Variants in ZFAND4 observed in about 807,000 individuals in gnomAD.
The protein encoded by ZFAND4 is zinc finger AN1-type containing 4, also known as AN1-type zinc finger protein 4.
A neutral mutation model predicts 64.4 loss-of-function variants in ZFAND4; 43 were observed. That is an observed-to-expected ratio of 0.67 (90% CI 0.52 to 0.86). The LOEUF is 0.86. ZFAND4 is among the 40% of genes least tolerant of loss of function. ZFAND4 has a pLI of 0.00. For missense variants in ZFAND4, 929 were observed against 859.8 expected, an observed-to-expected ratio of 1.08 and a Z score of -1.01; for synonymous variants, 296 against 305.7, an observed-to-expected ratio of 0.97 and a Z score of 0.33.
In ZFAND4 at chr10:45,616,169, C is replaced by A. The variant is rs985136536; in HGVS notation, c.*267G>T. 2.5e-5 allele frequency: 10 copies of A among 397,328 alleles called. No homozygotes were observed. The highest frequency in any genetic ancestry group is 9.0e-6 in the Non-Finnish European group (2 of 221,182). 24.6% of individuals were successfully genotyped at this position (397,328 alleles called of 1,614,324 possible). A position where few individuals can be genotyped will look rare whatever the true frequency, so the allele number is the denominator to read the frequency against. On this transcript the variant is annotated 3_prime_UTR_variant, in exon 10 of 10. Coordinates refer to ENST00000344646, the MANE Select transcript of ZFAND4 (RefSeq NM_174890.4). ...GATTTGCCTAGTAAAACTGCAATAT[C>A]ATATACAAAACACTTAACACAAGAC...
intron 6 of ZFAND4, among the ~76,000 whole-genome samples, chr10:45,635,191 T>A (rs1230915338): frequency 6.0e-5 from 1 of 16,742 alleles, no homozygotes; most frequent in Non-Finnish European, 1.2e-4. Flanking sequence ...CAAAGCCATC[T>A]AAGCAAAAAA....
At position 45,662,772 on chromosome 10, in the gene ZFAND4, T is replaced by C. The variant is rs1044633580; in HGVS notation, c.184+770A>G. 6 of 626,978 alleles carry C rather than the reference T, an allele frequency of 9.6e-6. No homozygotes were observed. The African/African-American group carries it at 1.2e-4, about 12-fold the overall frequency. The allele number at this position is 626,978 out of a possible 1,614,324, so 38.8% of individuals were successfully genotyped here. A position where few individuals can be genotyped will look rare whatever the true frequency, so the allele number is the denominator to read the frequency against. On this transcript the variant is annotated intron_variant, in intron 2 of 9. Transcript: ENST00000344646. The stretch of plus-strand genomic sequence containing the variant: ...AACCCTCCTCATCCTTCTATAATTC[T>C]GAACTTAAACCAGCTGGAGGGCAAC...
At chr10:45,631,442 C>T (rs1335823968) in intron 6 of ZFAND4, among the ~76,000 whole-genome samples, 2 of 149,856 alleles carry the variant, frequency 1.3e-5, no homozygotes, top group African/African-American at 2.4e-5. Context: ...GTTAAAAAGA[C>T]TCAAGTGTAT....
In ZFAND4 at chr10:45,672,338, A is replaced by C. The variant is rs2049255413; in HGVS notation, c.-206T>G. 1 of 152,226 alleles carries C rather than the reference A, an allele frequency of 6.6e-6. No homozygotes were observed. The highest frequency in any genetic ancestry group is 1.5e-5 in the Non-Finnish European group (1 of 68,082). The allele number at this position is 152,226 out of a possible 1,614,324, so 9.4% of individuals were successfully genotyped here. ...AGACCCACCGGCCTGAATCTGGAGG[A>C]CAGCAGTCCGCGTGACAACAGCGAC... On this transcript the variant is annotated 5_prime_UTR_variant, in exon 1 of 10. Transcript: ENST00000344646.
intron 2 of ZFAND4, among the ~76,000 whole-genome samples, chr10:45,659,124 T>G (rs1211884217): frequency 6.6e-6 from 1 of 152,150 alleles, no homozygotes; most frequent in Admixed American, 6.5e-5. Flanking sequence ...ACTGGGAAAT[T>G]ATTGAGGGCC....
intron 6 of ZFAND4, among the ~76,000 whole-genome samples, chr10:45,634,833 C>T (rs1440442970): frequency 6.6e-6 from 1 of 151,924 alleles, no homozygotes; most frequent in Non-Finnish European, 1.5e-5. Flanking sequence ...AATCAACATA[C>T]AAAACCCAGT....
chr10:45,631,186 C>T lies in ZFAND4; in HGVS notation c.718-4081G>A, dbSNP rs112746973. 7.9e-3 allele frequency among the ~76,000 whole-genome samples: 1,191 copies of T among 151,210 alleles called. 11 individuals are homozygous for T. Among genetic ancestry groups the T allele is most frequent in the African/African-American group, 0.027 (1,131 of 41,194 alleles). ...ACAAAAAATTAGCTGGGTGTGGTGA[C>T]GGGCGCCTGTAGTCCAGCTACTCCG... is the stretch of plus-strand genomic sequence containing the variant. On this transcript the variant is annotated intron_variant, in intron 6 of 9. Transcript: ENST00000344646.
chr10:45,638,250 G>A (rs564261648), intron 6 of ZFAND4, among the ~76,000 whole-genome samples: 27 of 151,044 alleles, frequency 1.8e-4, no homozygotes, highest in Admixed American at 7.9e-4. Flanking sequence ...TTGGGAGGTC[G>A]AGGCAGTCAG....
chr10:45,642,196 TC>T (rs1273836915), intron 5 of ZFAND4, among the ~76,000 whole-genome samples: 1 of 152,212 alleles, frequency 6.6e-6, no homozygotes, highest in Non-Finnish European at 1.5e-5. Context: ...ATTTTAAGTA[TC>T]TTTACTGAAT....
Position 45,648,390 on chromosome 10 carries a change from T to A in ZFAND4, c.473A>T (p.Asp158Val), listed in dbSNP as rs956860077. 6.2e-7 allele frequency: 1 copy of A among 1,613,938 alleles called. No homozygotes were observed. Among genetic ancestry groups the A allele is most frequent in the Non-Finnish European group, 8.5e-7 (1 of 1,179,978 alleles). Reference protein sequence around the residue: ...GDQLNFFPAVDRGDGTLTPLS... With the variant: ...GDQLNFFPAVVRGDGTLTPLS... ...CGGTGTTAAAGTGCCATCTCCCCTATCTACTGCAGGAAAGAAATTCAATTG... is the reference window on the plus strand; with the variant it reads ...CGGTGTTAAAGTGCCATCTCCCCTAACTACTGCAGGAAAGAAATTCAATTG... The change falls in exon 5 of 10, where the codon GAT becomes GTT. Residue 158 changes from aspartate to valine, a missense_variant. Asp to Val is a radical substitution (Grantham distance 152). Coordinates refer to ENST00000344646, the MANE Select transcript of ZFAND4 (RefSeq NM_174890.4).
chr10:45,632,727 T>C (rs1034770570), intron 6 of ZFAND4, among the ~76,000 whole-genome samples: 1 of 151,874 alleles, frequency 6.6e-6, no homozygotes, highest in African/African-American at 2.4e-5. Flanking sequence ...AAAGAAAGCA[T>C]AGAGAAGGAA....
intron 6 of ZFAND4, among the ~76,000 whole-genome samples, chr10:45,633,617 T>C (rs1372711935): frequency 2.6e-5 from 4 of 151,408 alleles, no homozygotes; most frequent in East Asian, 1.9e-4. Flanking sequence ...CTTGGACTAA[T>C]GAGGAAATAC....
At position 45,626,629 on chromosome 10, in the gene ZFAND4, C is replaced by T. The variant is rs769022585; in HGVS notation, c.1194G>A (p.Val398=). The change falls in exon 7 of 10, where the codon GTG becomes GTA. Residue 398 remains valine, a synonymous_variant. Transcript: ENST00000344646. ...CVTEQSLLPK[V]GSLASFAEGN... is the part of the protein sequence containing the mutation. ...CTTCTGCAAATGAAGCCAGTGAGCC[C>T]ACTTTAGGTAGAAGTGATTGTTCGG... is the stretch of plus-strand genomic sequence containing the variant. The T allele has an allele frequency of 2.5e-6, 4 of 1,614,182 alleles. No homozygotes were observed. Among genetic ancestry groups the T allele is most frequent in the Non-Finnish European group, 3.4e-6 (4 of 1,180,050 alleles).
intron 8 of ZFAND4, among the ~76,000 whole-genome samples, chr10:45,623,572 TC>T (rs944973998): frequency 5.9e-5 from 9 of 152,342 alleles, no homozygotes; most frequent in African/African-American, 2.2e-4. Context: ...ACTGTTTGAT[TC>T]CACTTACATA....
intron 6 of ZFAND4, among the ~76,000 whole-genome samples, chr10:45,634,875 AAATC>A (rs1239057989): frequency 1.3e-5 from 2 of 152,140 alleles, no homozygotes; most frequent in Non-Finnish European, 2.9e-5. Context: ...TAATCTAAAA[AAATC>A]AAGAAAGTAA....
intron 1 of ZFAND4, among the ~76,000 whole-genome samples, chr10:45,672,008 T>G (rs1181288645): frequency 6.6e-6 from 1 of 152,086 alleles, no homozygotes; most frequent in Admixed American, 6.5e-5. Flanking sequence ...AGAAGAGCAG[T>G]TACCTTTGAA....
At chr10:45,669,888 A>G (rs998246486) in intron 1 of ZFAND4, among the ~76,000 whole-genome samples, 3 of 152,208 alleles carry the variant, frequency 2.0e-5, no homozygotes, top group Non-Finnish European at 4.4e-5. Context: ...TCTCAAAATA[A>G]TAAGAGCTAT....
Position 45,628,587 on chromosome 10 carries a change from G to A in ZFAND4, c.718-1482C>T, listed in dbSNP as rs561671293. 2.0e-5 allele frequency among the ~76,000 whole-genome samples: 3 copies of A among 152,272 alleles called. No homozygotes were observed. In the South Asian group the frequency reaches 6.2e-4, roughly 32 times the overall value. On this transcript the variant is annotated intron_variant, in intron 6 of 9. Transcript: ENST00000344646. ...GCCTCCCAAAGTGCTGGGATTACAG[G>A]TGTGAGCCACCACGCCTGGCCCAAT...
At chr10:45,645,344 T>G (rs1312418693) in intron 5 of ZFAND4, among the ~76,000 whole-genome samples, 4 of 152,174 alleles carry the variant, frequency 2.6e-5, no homozygotes, top group Admixed American at 2.0e-4. Flanking sequence ...AATATCTGAG[T>G]CTATCCTGTG....
Sources: allele counts gnomAD v4.1 joint callset (sites outside exome capture counted in the v4.1 genomes callset), GRCh38; gene constraint gnomAD v4.1.1; transcripts MANE v1.5; gene names NCBI Gene and HGNC (gene_info 2026-07-23, HGNC 2026-07-21).